KCNH1: variants seen among roughly 807,000 people sequenced by gnomAD.
KCNH1 encodes the protein potassium voltage-gated channel subfamily H member 1, also known as voltage-gated delayed rectifier potassium channel KCNH1.
A neutral mutation model predicts 69.2 loss-of-function variants in KCNH1; 27 were observed. The observed-to-expected ratio is 0.39, with a 90% confidence interval of 0.29 to 0.54. The LOEUF (loss-of-function observed/expected upper bound fraction) is 0.54, where lower values mean the gene tolerates loss of function less well. KCNH1 is among the 20% of genes least tolerant of loss of function. The pLI is 0.68. For missense variants in KCNH1, 798 were observed against 1,261.6 expected (o/e 0.63, Z 5.57); for synonymous variants, 456 against 487.7 (o/e 0.93, Z 0.86).
intron 3 of KCNH1, among the ~76,000 whole-genome samples, chr1:211,102,663 C>A (rs1298548928): frequency 6.6e-6 from 1 of 152,170 alleles, no homozygotes; most frequent in African/African-American, 2.4e-5. Context: ...ACAACGCATG[C>A]CCTTTACTTT....
rs546352328 is a variant in KCNH1, at chr1:211,099,331, T to C, written c.310+4165A>G. ...TTTTTTTTTCTTTATATTTTTTGCA[T>C]GCATTCATCATGGTAAAAATGCATT... On this transcript the variant is annotated intron_variant, in intron 3 of 10. Transcript: ENST00000271751. Among the ~76,000 whole-genome samples, 15 of 152,314 alleles carry C rather than the reference T, an allele frequency of 9.8e-5. No homozygotes were observed. The East Asian group carries it at 2.3e-3, about 23-fold the overall frequency.
At chr1:210,843,352 T>C (rs552428986) in intron 7 of KCNH1, among the ~76,000 whole-genome samples, 1 of 152,276 alleles carries the variant, frequency 6.6e-6, no homozygotes, top group South Asian at 2.1e-4. Context: ...TGGAATATCC[T>C]ATTGTATAAT....
intron 7 of KCNH1, among the ~76,000 whole-genome samples, chr1:210,830,964 T>C (rs1685149306): frequency 6.6e-6 from 1 of 152,224 alleles, no homozygotes; most frequent in Admixed American, 6.5e-5. Context: ...TAACCAGCAC[T>C]GGTTTTAGAT....
At chr1:211,023,375 T>G (rs1689625055) in intron 5 of KCNH1, among the ~76,000 whole-genome samples, 1 of 151,708 alleles carries the variant, frequency 6.6e-6, no homozygotes, top group Non-Finnish European at 1.5e-5. Context: ...TTATTCACAG[T>G]AGCCAAGATA....
chr1:210,979,289 A>G (rs1443095498), intron 6 of KCNH1, among the ~76,000 whole-genome samples: 1 of 152,208 alleles, frequency 6.6e-6, no homozygotes, highest in Non-Finnish European at 1.5e-5. Context: ...AGCAAGTCAT[A>G]CAGTTATTTA....
At chr1:210,937,983 T>C (rs1687804271) in intron 6 of KCNH1, among the ~76,000 whole-genome samples, 1 of 152,198 alleles carries the variant, frequency 6.6e-6, no homozygotes, top group Non-Finnish European at 1.5e-5. Flanking sequence ...CCTGCAAATC[T>C]ACCTTTTCAA....
chr1:210,947,818 G>A (rs1239971447), intron 6 of KCNH1, among the ~76,000 whole-genome samples: 1 of 152,108 alleles, frequency 6.6e-6, no homozygotes, highest in Admixed American at 6.5e-5. Context: ...TTACTTGTTT[G>A]TTATCTGTGT....
intron 3 of KCNH1, among the ~76,000 whole-genome samples, chr1:211,102,454 C>A (rs1691275014): frequency 6.6e-6 from 1 of 152,184 alleles, no homozygotes; most frequent in Admixed American, 6.5e-5. Flanking sequence ...GGAACTAGAT[C>A]TGCTGGCAGA....
chr1:210,796,331 C>A (rs1684314240), intron 9 of KCNH1, among the ~76,000 whole-genome samples: 1 of 151,946 alleles, frequency 6.6e-6, no homozygotes, highest in Non-Finnish European at 1.5e-5. Flanking sequence ...ATAATAAAAC[C>A]ATTTCATAGG....
chr1:210,755,953 A>ATCACAT (rs1683391045), intron 10 of KCNH1, among the ~76,000 whole-genome samples: 1 of 152,236 alleles, frequency 6.6e-6, no homozygotes, highest in African/African-American at 2.4e-5. Context: ...ATCAAGTTTA[A>ATCACAT]TCACATTTCT....
chr1:210,920,099 C>G, intron 6 of KCNH1, 30 bp from the exon 7 acceptor site: 2 of 1,590,950 alleles, frequency 1.3e-6, no homozygotes, highest in East Asian at 4.5e-5. Flanking sequence ...GCGTCAGGGC[C>G]AAAGAACCAA....
intron 6 of KCNH1, among the ~76,000 whole-genome samples, chr1:210,999,392 A>G (rs1689123572): frequency 6.6e-6 from 1 of 152,156 alleles, no homozygotes; most frequent in Admixed American, 6.5e-5. Context: ...ACACCTCTAC[A>G]CAAATAAACT....
At chr1:210,862,433 T>G (rs1685999654) in intron 7 of KCNH1, 10 of 535,068 alleles carry the variant, frequency 1.9e-5, no homozygotes, top group South Asian at 1.7e-4. Flanking sequence ...ACTCCTGGGC[T>G]CAAGTGATCC....
intron 6 of KCNH1, among the ~76,000 whole-genome samples, chr1:211,015,963 A>G (rs1689483528): frequency 6.6e-6 from 1 of 152,228 alleles, no homozygotes; most frequent in African/African-American, 2.4e-5. Flanking sequence ...AGCCCTTAAT[A>G]TTTGTACTAT....
At chr1:210,731,263 GC>G (rs1183647070) in intron 10 of KCNH1, among the ~76,000 whole-genome samples, 1 of 152,084 alleles carries the variant, frequency 6.6e-6, no homozygotes. Flanking sequence ...TCTTATAAAA[GC>G]CCATATACTT....
Position 210,718,479 on chromosome 1 carries a change from TATATACATATATGTATATATATAA to T in KCNH1, c.2113-34365_2113-34342del, listed in dbSNP as rs1204044698. ...TATACATATATGTATATATATAAAA[TATATACATATATGTATATATATAA>T]AATATATACATATATGTATATATAT... On this transcript the variant is annotated intron_variant, in intron 10 of 10. Transcript: ENST00000271751. Among the ~76,000 whole-genome samples, 19 of 57,968 alleles carry T rather than the reference TATATACATATATGTATATATATAA, an allele frequency of 3.3e-4. 5 individuals carry two copies. The highest frequency in any genetic ancestry group is 1.3e-3 in the African/African-American group (19 of 15,176). The allele number at this position is 57,968 out of a possible 152,430, so 38.0% of individuals were successfully genotyped here. A position where few individuals can be genotyped will look rare whatever the true frequency, so the allele number is the denominator to read the frequency against.
chr1:211,117,926 T>C lies in KCNH1; in HGVS notation c.80-10549A>G, dbSNP rs150966751. Among the ~76,000 whole-genome samples, 76 of 152,318 alleles carry C rather than the reference T, an allele frequency of 5.0e-4. 2 individuals are homozygous for C. The South Asian group carries it at 9.8e-3, about 20-fold the overall frequency. ...GGAGTAATCAAACCGGTCATGACCA[T>C]GAAATATCACTTCTCTAAATGCTGG... On this transcript the variant is annotated intron_variant, in intron 1 of 10. Coordinates refer to ENST00000271751, the MANE Select transcript of KCNH1 (RefSeq NM_172362.3).
intron 7 of KCNH1, among the ~76,000 whole-genome samples, chr1:210,911,689 C>T (rs970132943): frequency 4.7e-5 from 7 of 150,262 alleles, no homozygotes; most frequent in Admixed American, 3.3e-4. Context: ...CCTATAAGAT[C>T]AGAGACAATG....
chr1:211,033,423 C>G (rs1223197871), intron 5 of KCNH1, among the ~76,000 whole-genome samples: 1 of 152,130 alleles, frequency 6.6e-6, no homozygotes, highest in Admixed American at 6.5e-5. Context: ...GGTGTATACC[C>G]AAAGGATTAT....
Sources: allele counts gnomAD v4.1 joint callset (sites outside exome capture counted in the v4.1 genomes callset), GRCh38; gene constraint gnomAD v4.1.1; transcripts MANE v1.5; gene names NCBI Gene and HGNC (gene_info 2026-07-23, HGNC 2026-07-21).